Variants in LRFN2 observed in about 807,000 individuals in gnomAD.
LRFN2 encodes the protein leucine-rich repeat and fibronectin type-III domain-containing protein 2.
A neutral mutation model predicts 37.3 loss-of-function variants in LRFN2; 18 were observed. The observed-to-expected ratio is 0.48, with a 90% CI of 0.33 to 0.72. LRFN2 has a LOEUF of 0.72. LRFN2 is among the 30% of genes least tolerant of loss of function. The pLI, the probability that LRFN2 is intolerant of heterozygous loss-of-function variation, is 0.02. For missense variants in LRFN2, 1,006 were observed against 1,060.7 expected, an observed-to-expected ratio of 0.95 and a Z score of 0.72; for synonymous variants, 556 against 466.6, an observed-to-expected ratio of 1.19 and a Z score of -2.47.
At chr6:40,438,051 G>A (rs995093493) in intron 1 of LRFN2, among the ~76,000 whole-genome samples, 3 of 152,194 alleles carry the variant, frequency 2.0e-5, no homozygotes, top group Non-Finnish European at 2.9e-5. Context: ...ATGGATGCTG[G>A]TATCAAATGT....
chr6:40,414,512 G>A (rs1763052258), intron 2 of LRFN2, among the ~76,000 whole-genome samples: 1 of 152,158 alleles, frequency 6.6e-6, no homozygotes, highest in African/African-American at 2.4e-5. Flanking sequence ...TCTCAGAAAG[G>A]TTGACTCTTA....
intron 1 of LRFN2, among the ~76,000 whole-genome samples, chr6:40,471,609 T>C (rs917297220): frequency 2.0e-5 from 3 of 152,164 alleles, no homozygotes; most frequent in Non-Finnish European, 4.4e-5. Flanking sequence ...ACTCCAATAC[T>C]ATATTAGAAG....
At chr6:40,438,213 C>A (rs1199404226) in intron 1 of LRFN2, among the ~76,000 whole-genome samples, 1 of 151,520 alleles carries the variant, frequency 6.6e-6, no homozygotes, top group Non-Finnish European at 1.5e-5. Flanking sequence ...CCAAACCGAA[C>A]CTACACCATT....
chr6:40,549,792 C>A (rs1202930434), intron 1 of LRFN2, among the ~76,000 whole-genome samples: 1 of 151,866 alleles, frequency 6.6e-6, no homozygotes, highest in Non-Finnish European at 1.5e-5. Flanking sequence ...AATCCCAGCA[C>A]TTTGGGAGGC....
At chr6:40,428,237 A>G (rs1343588079) in intron 2 of LRFN2, among the ~76,000 whole-genome samples, 2 of 152,166 alleles carry the variant, frequency 1.3e-5, no homozygotes, top group Non-Finnish European at 2.9e-5. Flanking sequence ...GCAAGTTGCA[A>G]GTTGCAAGTC....
At chr6:40,544,030 C>A (rs1481672623) in intron 1 of LRFN2, among the ~76,000 whole-genome samples, 1 of 152,248 alleles carries the variant, frequency 6.6e-6, no homozygotes, top group Non-Finnish European at 1.5e-5. Flanking sequence ...CAACCAGCAC[C>A]ACCCTGAGAT....
At chr6:40,462,591 T>C (rs12195212) in intron 1 of LRFN2, among the ~76,000 whole-genome samples, 40,135 of 152,192 alleles carry the variant, frequency 0.26, 6,211 homozygotes, top group Middle Eastern at 0.42. Context: ...TGTAAAGCAA[T>C]CTTGGTTCAT....
chr6:40,563,153 G>A (rs181488466), intron 1 of LRFN2, among the ~76,000 whole-genome samples: 6 of 152,166 alleles, frequency 3.9e-5, no homozygotes, highest in Admixed American at 1.3e-4. Context: ...AGACCCCTCC[G>A]TGCACACACA....
chr6:40,495,122 A>T (rs1765195695), intron 1 of LRFN2, among the ~76,000 whole-genome samples: 2 of 152,088 alleles, frequency 1.3e-5, no homozygotes, highest in African/African-American at 4.8e-5. Context: ...GTGTTCCTAT[A>T]CTTTCCTAAT....
intron 1 of LRFN2, among the ~76,000 whole-genome samples, chr6:40,453,021 A>G (rs1764148109): frequency 6.6e-6 from 1 of 152,238 alleles, no homozygotes; most frequent in African/African-American, 2.4e-5. Flanking sequence ...GATGAGCCCC[A>G]TGGCAAACTG....
intron 1 of LRFN2, among the ~76,000 whole-genome samples, chr6:40,568,516 C>T (rs761421976): frequency 2.0e-5 from 3 of 152,196 alleles, no homozygotes; most frequent in Non-Finnish European, 1.5e-5. Context: ...CCCCACAAGA[C>T]GAAGATAAAG....
At chr6:40,518,472 C>G (rs1765950219) in intron 1 of LRFN2, among the ~76,000 whole-genome samples, 1 of 152,134 alleles carries the variant, frequency 6.6e-6, no homozygotes, top group Non-Finnish European at 1.5e-5. Context: ...TGGTTGCAGA[C>G]CTGCATGCTC....
intron 1 of LRFN2, among the ~76,000 whole-genome samples, chr6:40,488,852 G>A (rs1420179210): frequency 6.6e-6 from 1 of 152,112 alleles, no homozygotes; most frequent in African/African-American, 2.4e-5. Flanking sequence ...TAGGGTTAGA[G>A]GATGATTAGA....
chr6:40,475,740 G>C (rs961851585), intron 1 of LRFN2, among the ~76,000 whole-genome samples: 5 of 152,084 alleles, frequency 3.3e-5, no homozygotes, highest in Non-Finnish European at 7.4e-5. Context: ...AATTCCAGGG[G>C]GCACCATGCT....
chr6:40,398,473 G>C (rs1053072250), intron 2 of LRFN2, among the ~76,000 whole-genome samples: 1 of 151,706 alleles, frequency 6.6e-6, no homozygotes, highest in Admixed American at 6.6e-5. Flanking sequence ...GCACATGCAG[G>C]TCAGGCTTCC....
At chr6:40,494,466 C>A (rs879651780) in intron 1 of LRFN2, among the ~76,000 whole-genome samples, 7 of 152,122 alleles carry the variant, frequency 4.6e-5, no homozygotes, top group Non-Finnish European at 1.0e-4. Flanking sequence ...GCTTTAAAAC[C>A]CTTTCATTAT....
At position 40,435,052 on chromosome 6, in the gene LRFN2, T is replaced by TATATATAG. The variant is rs1482968698; in HGVS notation, c.-18-1922_-18-1921insCTATATAT. Among the ~76,000 whole-genome samples, 121 of 37,498 alleles carry TATATATAG rather than the reference T, an allele frequency of 3.2e-3. 1 individual carries two copies. The highest frequency in any genetic ancestry group is 4.3e-3 in the Non-Finnish European group (88 of 20,314). The allele number at this position is 37,498 out of a possible 152,430, so 24.6% of individuals were successfully genotyped here. A position where few individuals can be genotyped will look rare whatever the true frequency, so the allele number is the denominator to read the frequency against. ...ATATATATATATATATATATATATA[T>TATATATAG]AGAGAGAGAGAGAGAGAGAGAGAGA... On this transcript the variant is annotated intron_variant, in intron 1 of 2. Coordinates refer to ENST00000338305, the MANE Select transcript of LRFN2 (RefSeq NM_020737.3).
intron 1 of LRFN2, among the ~76,000 whole-genome samples, chr6:40,570,857 T>C (rs1037354899): frequency 1.3e-5 from 2 of 152,168 alleles, no homozygotes; most frequent in Non-Finnish European, 2.9e-5. Flanking sequence ...GTGCTAGACA[T>C]GGGGAGAAGG....
chr6:40,568,129 T>C (rs1031992883), intron 1 of LRFN2, among the ~76,000 whole-genome samples: 2 of 152,216 alleles, frequency 1.3e-5, no homozygotes, highest in African/African-American at 2.4e-5. Context: ...AGCAATCTAC[T>C]GACTGTCTTC....
Sources: allele counts gnomAD v4.1 joint callset (sites outside exome capture counted in the v4.1 genomes callset), GRCh38; gene constraint gnomAD v4.1.1; transcripts MANE v1.5; gene names NCBI Gene and HGNC (gene_info 2026-07-23, HGNC 2026-07-21).